The following TCF7L1 variants were observed in gnomAD, a reference collection of about 807,000 sequenced individuals.
The protein encoded by TCF7L1 is transcription factor 7-like 1.
In TCF7L1, 18 loss-of-function variants were observed where a neutral mutation model predicts 63.7. That is an observed-to-expected ratio of 0.28 (90% confidence interval 0.20 to 0.42). The LOEUF is 0.42. Ranked by LOEUF, TCF7L1 falls within the 10% of genes least tolerant of loss-of-function variation. TCF7L1 has a pLI of 1.00. For synonymous variants in TCF7L1, 355 were observed against 340.9 expected (o/e 1.04, Z -0.46); for missense variants, 654 against 779.3 (o/e 0.84, Z 1.91).
chr2:85,307,494 G>A, intron 10 of TCF7L1, 148 bp from the exon 11 acceptor site: 1 of 634,110 alleles, frequency 1.6e-6, no homozygotes, highest in South Asian at 1.9e-5. Flanking sequence ...GGCTCCCACG[G>A]CTGTGATCTG....
chr2:85,292,787 A>G (rs1383279854), intron 4 of TCF7L1, among the ~76,000 whole-genome samples: 2 of 152,226 alleles, frequency 1.3e-5, no homozygotes, highest in Non-Finnish European at 2.9e-5. Context: ...CATGTTTGCC[A>G]GGCTGGTCTC....
intron 3 of TCF7L1, among the ~76,000 whole-genome samples, chr2:85,272,340 G>A (rs991663929): frequency 2.0e-5 from 3 of 152,240 alleles, no homozygotes; most frequent in African/African-American, 7.2e-5. Context: ...CATACTGATT[G>A]TAAAAATTTC....
intron 3 of TCF7L1, among the ~76,000 whole-genome samples, chr2:85,171,223 A>G (rs1318977503): frequency 6.6e-6 from 1 of 152,140 alleles, no homozygotes; most frequent in Admixed American, 6.5e-5. Flanking sequence ...CATGGGAAAG[A>G]CCTGCCATCA....
At chr2:85,304,443 C>T (rs1381560600) in intron 7 of TCF7L1, 105 bp downstream of exon 7, 2 of 1,160,956 alleles carry the variant, frequency 1.7e-6, no homozygotes, top group Non-Finnish European at 2.5e-6. Flanking sequence ...GCACAGGGCT[C>T]ACCCTCCCCC....
intron 4 of TCF7L1, among the ~76,000 whole-genome samples, chr2:85,297,913 T>C (rs1179752023): frequency 6.6e-6 from 1 of 151,916 alleles, no homozygotes; most frequent in African/African-American, 2.4e-5. Flanking sequence ...ATTTTAACAC[T>C]GTATTAAAAT....
chr2:85,306,320 C>T lies in TCF7L1; in HGVS notation c.1104C>T (p.Cys368=). 2 of 1,614,206 alleles carry T rather than the reference C, an allele frequency of 1.2e-6. No homozygotes were observed. Among genetic ancestry groups the T allele is most frequent in the African/African-American group, 1.3e-5 (1 of 75,044 alleles). The change falls in exon 9 of 12, where the codon TGC becomes TGT. Residue 368 remains cysteine, a synonymous_variant. Transcript: ENST00000282111. The surrounding 1 kb of genome is among the most constrained non-coding windows in gnomAD (Gnocchi z 4.3). ...KEMRAKVVAE[C]TLKESAAINQ... is the part of the protein sequence containing the mutation. Reference sequence around the variant, plus strand: ...TGAGGGCCAAGGTGGTGGCTGAGTGCACCCTGAAGGAAAGTGCAGCCATTA... The same window carrying T: ...TGAGGGCCAAGGTGGTGGCTGAGTGTACCCTGAAGGAAAGTGCAGCCATTA...
rs553216569 is a variant in TCF7L1 at position 85,306,501 on chromosome 2, G to A, written c.1199G>A (p.Arg400Gln). 5.6e-5 allele frequency: 90 copies of A among 1,614,096 alleles called. 2 individuals are homozygous for A. The South Asian group carries it at 7.2e-4, about 13-fold the overall frequency. The change falls in exon 10 of 12, where the codon CGG becomes CAG. Residue 400 changes from arginine (R) to glutamine (Q), a missense_variant. This residue lies in a region of TCF7L1 where 66 missense variants were observed against 120.5 expected (regional missense o/e 0.55). Transcript: ENST00000282111. This position sits in a 1 kb window ranked among gnomAD's most constrained non-coding sequence, Gnocchi z 4.3. ...EEQAKYYELARKERQLHSQLY... is the reference protein window; with the variant it reads ...EEQAKYYELAQKERQLHSQLY... ...CAGGCCAAGTACTACGAGCTGGCCCGGAAGGAGCGGCAGCTTCACTCGCAG... is the reference window on the plus strand; with the variant it reads ...CAGGCCAAGTACTACGAGCTGGCCCAGAAGGAGCGGCAGCTTCACTCGCAG...
At chr2:85,252,148 C>T (rs1680605831) in intron 3 of TCF7L1, among the ~76,000 whole-genome samples, 1 of 152,124 alleles carries the variant, frequency 6.6e-6, no homozygotes, top group South Asian at 2.1e-4. Flanking sequence ...GACAAGAGGG[C>T]TGGGGGAGGC....
chr2:85,237,130 C>T (rs760571771), intron 3 of TCF7L1, among the ~76,000 whole-genome samples: 6 of 152,166 alleles, frequency 3.9e-5, no homozygotes, highest in East Asian at 1.9e-4. Context: ...ATTTGGAGCA[C>T]GTCTTAGGAC....
chr2:85,232,442 G>A (rs573003303), intron 3 of TCF7L1, among the ~76,000 whole-genome samples: 9 of 152,168 alleles, frequency 5.9e-5, no homozygotes, highest in African/African-American at 2.2e-4. Flanking sequence ...TGTTCTGGGG[G>A]CCACAGCAGT....
intron 3 of TCF7L1, among the ~76,000 whole-genome samples, chr2:85,226,280 G>A (rs1297857179): frequency 2.0e-5 from 3 of 152,178 alleles, no homozygotes; most frequent in African/African-American, 4.8e-5. Context: ...TCAGGATGAT[G>A]CTGGCCTCAT....
intron 3 of TCF7L1, among the ~76,000 whole-genome samples, chr2:85,244,941 C>T (rs765039872): frequency 2.1e-4 from 32 of 151,966 alleles, no homozygotes; most frequent in Non-Finnish European, 5.9e-5. Flanking sequence ...CGCATTCCTG[C>T]AGCCAAGGAG....
Position 85,212,449 on chromosome 2 carries a change from T to C in TCF7L1, c.442-71046T>C, listed in dbSNP as rs972355820. Reference sequence around the variant, plus strand: ...TATTATTGTGGCTGCTGTTATTATCTTGACTCCTCTATGCCCAACCCTGGG... The same window carrying C: ...TATTATTGTGGCTGCTGTTATTATCCTGACTCCTCTATGCCCAACCCTGGG... On this transcript the variant is annotated intron_variant, in intron 3 of 11. Transcript: ENST00000282111. Among the ~76,000 whole-genome samples the C allele has an allele frequency of 7.9e-4, 120 of 152,334 alleles. 1 individual carries two copies. The highest frequency in any genetic ancestry group is 2.7e-3 in the African/African-American group (113 of 41,556).
At chr2:85,207,301 T>C (rs1679429572) in intron 3 of TCF7L1, among the ~76,000 whole-genome samples, 1 of 152,130 alleles carries the variant, frequency 6.6e-6, no homozygotes, top group South Asian at 2.1e-4. Flanking sequence ...CTTGTTGTCT[T>C]TCACACCACT....
chr2:85,307,413 A>G (rs1682141978), intron 10 of TCF7L1, among the ~76,000 whole-genome samples: 1 of 152,110 alleles, frequency 6.6e-6, no homozygotes, highest in Admixed American at 6.6e-5. Context: ...GCCTTCCAAG[A>G]AGGCCTGGAC....
chr2:85,152,004 A>C (rs1162494327), intron 3 of TCF7L1, among the ~76,000 whole-genome samples: 3 of 152,250 alleles, frequency 2.0e-5, no homozygotes, highest in Non-Finnish European at 2.9e-5. Flanking sequence ...AAATAGATTT[A>C]AACCTACTTA....
chr2:85,258,869 C>T (rs564753282), intron 3 of TCF7L1, among the ~76,000 whole-genome samples: 4 of 152,200 alleles, frequency 2.6e-5, no homozygotes, highest in Non-Finnish European at 5.9e-5. Flanking sequence ...AAAACAGTGT[C>T]GTAGGTCCTT....
In TCF7L1 at chr2:85,135,431, C is replaced by G. The variant is rs550607693; in HGVS notation, c.441+981C>G. On this transcript the variant is annotated intron_variant, in intron 3 of 11. Coordinates refer to ENST00000282111, the MANE Select transcript of TCF7L1 (RefSeq NM_031283.3). ...TGTGAATCGTAGTAGTTCTTTGCTT[C>G]CCGCCCAGATTCCCATTGCCTGCCA... Among the ~76,000 whole-genome samples, 318 of 152,302 alleles carry G rather than the reference C, an allele frequency of 2.1e-3. 1 individual carries two copies. Among genetic ancestry groups the G allele is most frequent in the African/African-American group, 7.1e-3 (294 of 41,570 alleles).
chr2:85,254,941 A>AG (rs1303327325), intron 3 of TCF7L1, among the ~76,000 whole-genome samples: 2 of 152,232 alleles, frequency 1.3e-5, no homozygotes, highest in African/African-American at 4.8e-5. Flanking sequence ...TCTTAATATG[A>AG]GGAAGGACTC....
Sources: allele counts gnomAD v4.1 joint callset (sites outside exome capture counted in the v4.1 genomes callset), GRCh38; gene constraint gnomAD v4.1.1; regional missense constraint gnomAD v4.1.1; non-coding constraint Gnocchi (gnomAD v3.1); transcripts MANE v1.5; gene names NCBI Gene and HGNC (gene_info 2026-07-23, HGNC 2026-07-21).